MFHAS1: variants seen among roughly 807,000 people sequenced by gnomAD.
MFHAS1 encodes multifunctional ROCO family signaling regulator 1.
MFHAS1 carries 50 observed loss-of-function variants against 70.4 expected under a neutral mutation model. The observed-to-expected ratio is 0.71, with a 90% CI of 0.57 to 0.90. The LOEUF is 0.90. Ranked by LOEUF, MFHAS1 falls within the 40% of genes least tolerant of loss-of-function variation. The probability of loss-of-function intolerance (pLI) is 0.00; values close to 1 mark genes in which losing one functional copy is unlikely to be tolerated. For missense variants in MFHAS1, 1,795 were observed against 1,347.6 expected (o/e 1.33, Z -5.20); for synonymous variants, 952 against 620.0 (o/e 1.54, Z -7.96).
intron 1 of MFHAS1, among the ~76,000 whole-genome samples, chr8:8,881,001 G>C (rs549579041): frequency 2.0e-5 from 3 of 152,118 alleles, no homozygotes; most frequent in Non-Finnish European, 2.9e-5. Flanking sequence ...TCCTAAGATG[G>C]GTGAAACAGG....
At chr8:8,876,452 C>A (rs1809295390) in intron 1 of MFHAS1, among the ~76,000 whole-genome samples, 2 of 152,016 alleles carry the variant, frequency 1.3e-5, no homozygotes, top group Admixed American at 1.3e-4. Context: ...CCACTGTTGT[C>A]GGCCGGGCGT....
chr8:8,826,702 C>A (rs965327282), intron 1 of MFHAS1, among the ~76,000 whole-genome samples: 1 of 152,216 alleles, frequency 6.6e-6, no homozygotes, highest in Non-Finnish European at 1.5e-5. Flanking sequence ...CACTGCACTC[C>A]AGCCTGGGTG....
intron 1 of MFHAS1, among the ~76,000 whole-genome samples, chr8:8,869,301 C>G (rs973234405): frequency 2.0e-5 from 3 of 152,212 alleles, no homozygotes; most frequent in African/African-American, 7.2e-5. Context: ...TCTGCTTTTA[C>G]AAGCACTACC....
Position 8,890,221 on chromosome 8 carries a change from A to T in MFHAS1, c.2838T>A (p.His946Gln). 6.2e-7 allele frequency: 1 copy of T among 1,614,160 alleles called. No homozygotes were observed. Among genetic ancestry groups the T allele is most frequent in the Non-Finnish European group, 8.5e-7 (1 of 1,180,034 alleles). Reference sequence around the variant, plus strand: ...CGGTCCATATATTTGGTAATGATGCATGGCTAGCAATGGACAGGGTGTCTG... The same window carrying T: ...CGGTCCATATATTTGGTAATGATGCTTGGCTAGCAATGGACAGGGTGTCTG... Reference protein sequence around the residue: ...LQPDTLSIASHASLPNIWTAW... With the variant: ...LQPDTLSIASQASLPNIWTAW... Residue 946 changes from histidine to glutamine, a missense_variant, in exon 1 of 3, where the codon CAT (histidine) becomes CAA (glutamine). His to Gln is a conservative substitution (Grantham distance 24, BLOSUM62 0). Transcript: ENST00000276282.
chr8:8,868,430 T>C (rs936019985), intron 1 of MFHAS1, among the ~76,000 whole-genome samples: 1 of 150,718 alleles, frequency 6.6e-6, no homozygotes, highest in Non-Finnish European at 1.5e-5. Context: ...CTCAACTTTT[T>C]TAAACTGACT....
chr8:8,892,203 C>CG lies in MFHAS1; in HGVS notation c.855dup (p.Glu286ArgfsTer19). The CG allele has an allele frequency of 6.2e-7, 1 of 1,610,126 alleles. No individual in the cohort carries two copies. The highest frequency in any genetic ancestry group is 8.5e-7 in the Non-Finnish European group (1 of 1,180,002). ...GGCAGCAGCGCGGCAGGGAACTCCT[C>CG]GAAGAGGTTGGAGGAGAGGTTGAGC... On this transcript the variant is annotated frameshift_variant, in exon 1 of 3. Transcript: ENST00000276282. LOFTEE classifies it high-confidence loss of function. The surrounding 1 kb of genome is among the most constrained non-coding windows in gnomAD (Gnocchi z 4.7).
chr8:8,886,576 G>A (rs1444978105), intron 1 of MFHAS1, among the ~76,000 whole-genome samples: 1 of 152,122 alleles, frequency 6.6e-6, no homozygotes, highest in Admixed American at 6.5e-5. Flanking sequence ...ACAGGACAAG[G>A]CCAAAATAGG....
intron 1 of MFHAS1, among the ~76,000 whole-genome samples, chr8:8,806,838 G>A (rs568299865): frequency 6.6e-6 from 1 of 152,158 alleles, no homozygotes; most frequent in South Asian, 2.1e-4. Context: ...GTACACATCT[G>A]TAATCCCAGC....
chr8:8,832,614 C>G (rs1807444790), intron 1 of MFHAS1, among the ~76,000 whole-genome samples: 1 of 147,140 alleles, frequency 6.8e-6, no homozygotes, highest in Non-Finnish European at 1.5e-5. Context: ...TGTGATGCAA[C>G]CAGAATTTTT....
At chr8:8,887,990 A>C (rs1454926568) in intron 1 of MFHAS1, among the ~76,000 whole-genome samples, 2 of 152,150 alleles carry the variant, frequency 1.3e-5, no homozygotes, top group African/African-American at 4.8e-5. Flanking sequence ...CTTTGGATTA[A>C]GAATGGCTTC....
chr8:8,842,247 T>A (rs7820146), intron 1 of MFHAS1, among the ~76,000 whole-genome samples: 74,641 of 151,140 alleles, frequency 0.49, 18,867 homozygotes, highest in East Asian at 0.72. Flanking sequence ...GTGCGGTGGC[T>A]CAACCTCGGC....
intron 1 of MFHAS1, among the ~76,000 whole-genome samples, chr8:8,854,449 A>T (rs529434733): frequency 1.3e-5 from 2 of 152,088 alleles, no homozygotes; most frequent in South Asian, 4.1e-4. Flanking sequence ...TGAACCCGGG[A>T]GGCCGTACTT....
chr8:8,884,814 G>A (rs1585072620), intron 1 of MFHAS1, among the ~76,000 whole-genome samples: 1 of 152,210 alleles, frequency 6.6e-6, no homozygotes, highest in East Asian at 1.9e-4. Flanking sequence ...GCCAGGCATG[G>A]TAGGGTGTTT....
At chr8:8,843,182 T>C (rs531878835) in intron 1 of MFHAS1, among the ~76,000 whole-genome samples, 63 of 149,698 alleles carry the variant, frequency 4.2e-4, no homozygotes, top group Non-Finnish European at 5.0e-4. Flanking sequence ...GGCAGGAGAA[T>C]GGCGTGAACC....
At chr8:8,827,149 T>G (rs190378732) in intron 1 of MFHAS1, among the ~76,000 whole-genome samples, 19 of 152,234 alleles carry the variant, frequency 1.2e-4, no homozygotes, top group Admixed American at 5.2e-4. Context: ...ACGTAGAGAA[T>G]TGTGCCATTT....
At chr8:8,838,269 G>A (rs536769342) in intron 1 of MFHAS1, among the ~76,000 whole-genome samples, 1 of 152,296 alleles carries the variant, frequency 6.6e-6, no homozygotes, top group African/African-American at 2.4e-5. Context: ...AGGCCTGGCT[G>A]GGAAGAGGCA....
chr8:8,848,212 C>T (rs1293326532), intron 1 of MFHAS1, among the ~76,000 whole-genome samples: 3 of 152,166 alleles, frequency 2.0e-5, no homozygotes, highest in Non-Finnish European at 4.4e-5. Flanking sequence ...TTTGCAGTTG[C>T]CATCTGCATC....
chr8:8,821,206 G>A (rs539925041), intron 1 of MFHAS1, among the ~76,000 whole-genome samples: 90 of 152,272 alleles, frequency 5.9e-4, no homozygotes, highest in African/African-American at 1.8e-3. Context: ...ACTGCCTGCC[G>A]GGGGATTAGC....
At chr8:8,812,053 G>C (rs190611084) in intron 1 of MFHAS1, among the ~76,000 whole-genome samples, 3 of 152,300 alleles carry the variant, frequency 2.0e-5, no homozygotes, top group African/African-American at 4.8e-5. Flanking sequence ...CAGATTACTG[G>C]ATCTTTTTCA....
Sources: gnomAD v4.1 joint callset for allele counts (sites outside exome capture counted in the v4.1 genomes callset) on GRCh38, gnomAD v4.1.1 for gene constraint, Gnocchi (gnomAD v3.1) non-coding constraint, MANE v1.5 for transcripts, NCBI Gene and HGNC (gene_info 2026-07-23, HGNC 2026-07-21) for gene names.